The following RELCH variants were observed in gnomAD, a reference collection of about 807,000 sequenced individuals.
The protein encoded by RELCH is RAB11 binding and LisH domain, coiled-coil and HEAT repeat containing.
RELCH carries 41 observed loss-of-function variants against 150.3 expected under a neutral mutation model. The observed-to-expected ratio is 0.27, with a 90% CI of 0.21 to 0.35. The LOEUF is 0.35. Among genes scored for constraint, RELCH ranks in the 10% least tolerant of loss-of-function variants. The probability of loss-of-function intolerance (pLI) is 1.00; values close to 1 mark genes in which losing one functional copy is unlikely to be tolerated. For missense variants in RELCH, 1,092 were observed against 1,467.8 expected (o/e 0.74, Z 4.18); for synonymous variants, 478 against 531.8 (o/e 0.90, Z 1.39).
intron 10 of RELCH, among the ~76,000 whole-genome samples, chr18:62,240,628 C>T (rs902916733): frequency 3.3e-5 from 5 of 151,738 alleles, no homozygotes; most frequent in Admixed American, 1.3e-4. Context: ...AGGCTGGTTT[C>T]GAATGCTAAT....
At chr18:62,252,187 G>A (rs1483457704) in intron 11 of RELCH, among the ~76,000 whole-genome samples, 1 of 147,122 alleles carries the variant, frequency 6.8e-6, no homozygotes, top group African/African-American at 2.5e-5. Context: ...TTTTAGTAGA[G>A]ACGGGGTTTC....
rs2145188251 is a variant in RELCH, at chr18:62,305,657, A to AGTCGGCCGGGCGCGGTGGCTC, written c.*123_*124insGTCGGCCGGGCGCGGTGGCTC. On this transcript the variant is annotated 3_prime_UTR_variant, in exon 29 of 29. Coordinates refer to ENST00000644646, the MANE Select transcript of RELCH (RefSeq NM_001346231.2). The surrounding 1 kb of genome is among the most constrained non-coding windows in gnomAD (Gnocchi z 4.0). Reference sequence around the variant, plus strand: ...TGTTCTTGCATTATAATTTTATCCTAACCTCCAAAGATATTTGCACTGCTT... The same window carrying AGTCGGCCGGGCGCGGTGGCTC: ...TGTTCTTGCATTATAATTTTATCCTAGTCGGCCGGGCGCGGTGGCTCACCTCCAAAGATATTTGCACTGCTT... 9.7e-7 allele frequency: 1 copy of AGTCGGCCGGGCGCGGTGGCTC among 1,028,748 alleles called. No homozygotes were observed. The highest frequency in any genetic ancestry group is 2.7e-5 in the East Asian group (1 of 37,460). 63.7% of individuals were successfully genotyped at this position (1,028,748 alleles called of 1,614,324 possible).
At chr18:62,242,617 G>A (rs562098115) in intron 10 of RELCH, among the ~76,000 whole-genome samples, 2 of 152,136 alleles carry the variant, frequency 1.3e-5, no homozygotes, top group East Asian at 3.9e-4. Context: ...CAGCTCCTGG[G>A]CCAGAGTTCT....
At chr18:62,228,146 T>G (rs61117176) in intron 7 of RELCH, among the ~76,000 whole-genome samples, 159 bp from the exon 8 acceptor site, 1,780 of 152,276 alleles carry the variant, frequency 0.012, 26 homozygotes, top group East Asian at 0.052. Flanking sequence ...ATATGAAGCA[T>G]CAGTGAATAT....
chr18:62,225,136 A>T lies in RELCH; in HGVS notation c.859-2153A>T, dbSNP rs189497468. ...GGTAGTCTTTTTTTTACAAATGGTA[A>T]TGGAACCATTTGCCTAAACAAAATA... On this transcript the variant is annotated intron_variant, in intron 5 of 28. Transcript: ENST00000644646. Among the ~76,000 whole-genome samples the T allele has an allele frequency of 7.8e-4, 119 of 152,130 alleles. 1 individual carries two copies. The highest frequency in any genetic ancestry group is 2.8e-3 in the African/African-American group (116 of 41,552).
In RELCH at chr18:62,263,204, C is replaced by T. The variant is rs550273224; in HGVS notation, c.2351-785C>T. Among the ~76,000 whole-genome samples, 11 of 152,036 alleles carry T rather than the reference C, an allele frequency of 7.2e-5. No homozygotes were observed. The South Asian group carries it at 1.7e-3, about 23-fold the overall frequency. ...TAGGACTTAAACATAAAAATTTGGG[C>T]GGGGGGCAGTTCAACTCATAATACT... is the stretch of plus-strand genomic sequence containing the variant. On this transcript the variant is annotated intron_variant, in intron 16 of 28. Transcript: ENST00000644646.
chr18:62,229,358 A>G (rs1049575973), intron 8 of RELCH, among the ~76,000 whole-genome samples: 1 of 152,100 alleles, frequency 6.6e-6, no homozygotes, highest in Admixed American at 6.6e-5. Flanking sequence ...TACTATGAGC[A>G]TATAATAGAA....
intron 25 of RELCH, among the ~76,000 whole-genome samples, chr18:62,286,262 G>A (rs2044786631): frequency 6.6e-6 from 1 of 152,134 alleles, no homozygotes; most frequent in Admixed American, 6.5e-5. Context: ...GCCTCAGCGT[G>A]CCAATTAATG....
chr18:62,288,403 C>A (rs1365202874), intron 26 of RELCH, among the ~76,000 whole-genome samples: 1 of 151,998 alleles, frequency 6.6e-6, no homozygotes, highest in African/African-American at 2.4e-5. Flanking sequence ...GATAAATATG[C>A]CATAAAATAT....
At chr18:62,250,744 A>G (rs1015809184) in intron 11 of RELCH, among the ~76,000 whole-genome samples, 4 of 152,234 alleles carry the variant, frequency 2.6e-5, no homozygotes, top group African/African-American at 9.6e-5. Context: ...GCAAACAATT[A>G]GTAACTAATC....
chr18:62,262,827 C>G (rs2043342645), intron 16 of RELCH, among the ~76,000 whole-genome samples: 1 of 151,918 alleles, frequency 6.6e-6, no homozygotes, highest in African/African-American at 2.4e-5. Flanking sequence ...GCTTAAACAA[C>G]AGAAATTTAT....
At chr18:62,199,027 A>G (rs776969060) in intron 1 of RELCH, among the ~76,000 whole-genome samples, 39 of 150,980 alleles carry the variant, frequency 2.6e-4, no homozygotes, top group Non-Finnish European at 3.8e-4. Context: ...CCCTTGAAAC[A>G]TGTGTTATAT....
At chr18:62,231,030 C>A (rs1235413392) in intron 8 of RELCH, among the ~76,000 whole-genome samples, 164 bp from the exon 9 acceptor site, 3 of 152,016 alleles carry the variant, frequency 2.0e-5, no homozygotes, top group Admixed American at 2.0e-4. Flanking sequence ...GTATAAGTTT[C>A]TCCAGTGAAG....
At chr18:62,288,809 C>G (rs993835594) in intron 26 of RELCH, among the ~76,000 whole-genome samples, 1 of 152,090 alleles carries the variant, frequency 6.6e-6, no homozygotes, top group African/African-American at 2.4e-5. Flanking sequence ...AACTGATATT[C>G]TGAATTAGCA....
chr18:62,227,163 C>CTCCA (rs1307550057), intron 5 of RELCH, 126 bp from the exon 6 acceptor site: 1 of 655,632 alleles, frequency 1.5e-6, no homozygotes, highest in African/African-American at 1.9e-5. Flanking sequence ...TGCCACTGTA[C>CTCCA]TCCAGCCTGC....
chr18:62,297,621 T>C (rs1197637936), intron 27 of RELCH, among the ~76,000 whole-genome samples: 2 of 152,208 alleles, frequency 1.3e-5, no homozygotes, highest in Non-Finnish European at 2.9e-5. Context: ...ACATGATGCA[T>C]GATAAAAGTT....
intron 11 of RELCH, among the ~76,000 whole-genome samples, chr18:62,245,199 A>G (rs2042341477): frequency 6.6e-6 from 1 of 152,260 alleles, no homozygotes; most frequent in Admixed American, 6.5e-5. Flanking sequence ...ATAATAAATA[A>G]AACCTAAAAC....
intron 27 of RELCH, among the ~76,000 whole-genome samples, chr18:62,293,759 TAAGA>T (rs1345899678): frequency 6.6e-6 from 1 of 152,070 alleles, no homozygotes; most frequent in Non-Finnish European, 1.5e-5. Flanking sequence ...CTACCTAGCT[TAAGA>T]AATAGAAAAT....
intron 25 of RELCH, among the ~76,000 whole-genome samples, chr18:62,286,916 G>A (rs1474757270): frequency 6.6e-6 from 1 of 152,158 alleles, no homozygotes; most frequent in East Asian, 1.9e-4. Context: ...CTGAAGGAGT[G>A]AAATAATAGG....
Sources: gnomAD v4.1 joint callset for allele counts (sites outside exome capture counted in the v4.1 genomes callset) on GRCh38, gnomAD v4.1.1 for gene constraint, Gnocchi (gnomAD v3.1) non-coding constraint, MANE v1.5 for transcripts, NCBI Gene and HGNC (gene_info 2026-07-23, HGNC 2026-07-21) for gene names.